The following UGCG variants were observed in gnomAD, a reference collection of about 807,000 sequenced individuals.
The protein encoded by UGCG is ceramide glucosyltransferase.
Under a neutral mutation model 49.5 loss-of-function variants are expected in UGCG, and 10 were observed. The observed-to-expected ratio is 0.20, with a 90% confidence interval of 0.12 to 0.34. UGCG has a LOEUF of 0.34. Ranked by LOEUF, UGCG falls within the 10% of genes least tolerant of loss-of-function variation. The pLI is 1.00. For synonymous variants in UGCG, 182 were observed against 158.2 expected (o/e 1.15, Z -1.13); for missense variants, 312 against 483.7 (o/e 0.65, Z 3.33).
At chr9:111,904,397 TA>T (rs1564197515) in intron 1 of UGCG, among the ~76,000 whole-genome samples, 1 of 152,194 alleles carries the variant, frequency 6.6e-6, no homozygotes, top group African/African-American at 2.4e-5. Flanking sequence ...ATCCATCACT[TA>T]AAAAAACCTC....
chr9:111,898,802 TGA>T (rs1225286277), intron 1 of UGCG, among the ~76,000 whole-genome samples: 2 of 151,788 alleles, frequency 1.3e-5, no homozygotes, highest in Non-Finnish European at 2.9e-5. Flanking sequence ...TGTGTGTGTG[TGA>T]GAGAGAGAGA....
chr9:111,915,940 T>C (rs1205642294), intron 2 of UGCG: 6 of 481,908 alleles, frequency 1.2e-5, no homozygotes, highest in Non-Finnish European at 1.6e-5. Flanking sequence ...GGAAGCTGTT[T>C]TGAAGCAAAA....
At position 111,914,532 on chromosome 9, in the gene UGCG, G is replaced by A. The variant is rs1589522409; in HGVS notation, c.99-73G>A. 2.8e-6 allele frequency: 4 copies of A among 1,423,992 alleles called. No individual in the cohort carries two copies. In the East Asian group the frequency reaches 9.2e-5, roughly 33 times the overall value. The allele number at this position is 1,423,992 out of a possible 1,614,324, so 88.2% of individuals were successfully genotyped here. A position where few individuals can be genotyped will look rare whatever the true frequency, so the allele number is the denominator to read the frequency against. On this transcript the variant is annotated intron_variant, in intron 1 of 8. Transcript: ENST00000374279. ...TTAACTTAGAATTTAGGGATTTATT[G>A]ATAGCTTGTCAGTGCTTTGATTTGA...
At chr9:111,921,802 A>AGTTTTTTTTTTTT (rs1554735821) in intron 2 of UGCG, among the ~76,000 whole-genome samples, 1 of 55,536 alleles carries the variant, frequency 1.8e-5, no homozygotes, top group Non-Finnish European at 3.2e-5. Flanking sequence ...CCCCAGGGTG[A>AGTTTTTTTTTTTT]TTTTTTTTTT....
intron 1 of UGCG, among the ~76,000 whole-genome samples, chr9:111,908,094 G>C (rs554340066): frequency 2.0e-5 from 3 of 152,010 alleles, no homozygotes; most frequent in East Asian, 3.9e-4. Flanking sequence ...TGAAGGCTTG[G>C]GGGGTGGGTG....
rs142308047 is a variant in UGCG at position 111,920,696 on chromosome 9, A to G, written c.241-2153A>G. Among the ~76,000 whole-genome samples the G allele has an allele frequency of 4.9e-3, 739 of 152,218 alleles. 5 individuals are homozygous for G. Among genetic ancestry groups the G allele is most frequent in the African/African-American group, 0.016 (660 of 41,526 alleles). ...TTTTTTATTGGCAGTTTTTGCTGAG[A>G]TTATAGGTAGTGGGCAAACAATTGT... On this transcript the variant is annotated intron_variant, in intron 2 of 8. Transcript: ENST00000374279.
chr9:111,907,017 C>T (rs1242150272), intron 1 of UGCG, among the ~76,000 whole-genome samples: 2 of 152,060 alleles, frequency 1.3e-5, no homozygotes, highest in African/African-American at 4.8e-5. Context: ...CTGTGAATCA[C>T]CTAGAGATCT....
chr9:111,913,005 A>G (rs976404337), intron 1 of UGCG, among the ~76,000 whole-genome samples: 4 of 152,162 alleles, frequency 2.6e-5, no homozygotes, highest in Non-Finnish European at 4.4e-5. Flanking sequence ...GCCCATGGCT[A>G]AGTGGTCTGG....
At chr9:111,897,392 T>A in intron 1 of UGCG, 79 bp downstream of exon 1, 1 of 1,193,802 alleles carries the variant, frequency 8.4e-7, no homozygotes, top group Non-Finnish European at 1.2e-6. Context: ...ACGTTTGCGC[T>A]TTGAAGGGGA....
At chr9:111,915,833 T>A in intron 2 of UGCG, 1 of 982,472 alleles carries the variant, frequency 1.0e-6, no homozygotes, top group Non-Finnish European at 1.2e-6. Context: ...GCAGCACTTA[T>A]TAAGTAGGTA....
chr9:111,901,293 T>A (rs1837767525), intron 1 of UGCG, among the ~76,000 whole-genome samples: 1 of 152,216 alleles, frequency 6.6e-6, no homozygotes, highest in Non-Finnish European at 1.5e-5. Flanking sequence ...GATCTTTGCC[T>A]TAAATTCATG....
chr9:111,903,419 G>C (rs1170019207), intron 1 of UGCG, among the ~76,000 whole-genome samples: 3 of 150,782 alleles, frequency 2.0e-5, no homozygotes, highest in Non-Finnish European at 4.4e-5. Flanking sequence ...ACAAAAATTA[G>C]CTGGGTGTGG....
intron 2 of UGCG, among the ~76,000 whole-genome samples, chr9:111,922,200 AT>A (rs1299404038): frequency 6.6e-6 from 1 of 152,152 alleles, no homozygotes; most frequent in Non-Finnish European, 1.5e-5. Context: ...ACTGGGCAAA[AT>A]AAAGTTGTAG....
At chr9:111,924,586 C>G (rs1403110177) in intron 3 of UGCG, among the ~76,000 whole-genome samples, 191 bp from the exon 4 acceptor site, 5 of 152,014 alleles carry the variant, frequency 3.3e-5, no homozygotes, top group Admixed American at 2.0e-4. Context: ...ATAAATGATA[C>G]AGTTTTCCTT....
Position 111,924,845 on chromosome 9 carries a change from G to A in UGCG, c.412G>A (p.Asp138Asn). The A allele has an allele frequency of 6.5e-7, 1 of 1,533,446 alleles. No individual in the cohort carries two copies. The highest frequency in any genetic ancestry group is 8.7e-7 in the Non-Finnish European group (1 of 1,147,564). The allele number at this position is 1,533,446 out of a possible 1,614,324, so 95.0% of individuals were successfully genotyped here. The part of the protein sequence containing the change: ...LMPGYEVAKY[D>N]LIWICDSGIR... Reference sequence around the variant, plus strand: ...GCCAGGATATGAAGTTGCAAAGTATGATCTTATATGGATTTGTGATAGTGG... The same window carrying A: ...GCCAGGATATGAAGTTGCAAAGTATAATCTTATATGGATTTGTGATAGTGG... The change falls in exon 4 of 9, where the codon GAT becomes AAT. Residue 138 changes from aspartate (D) to asparagine (N), a missense_variant. This residue lies in a region of UGCG where 64 missense variants were observed against 67.6 expected (regional missense o/e 0.95). Transcript: ENST00000374279.
At chr9:111,932,080 G>A in intron 7 of UGCG, 90 bp from the exon 8 acceptor site, 3 of 1,362,218 alleles carry the variant, frequency 2.2e-6, no homozygotes, top group Admixed American at 2.1e-5. Context: ...CTATCACAGG[G>A]TAAAAAAATT....
rs79076099 is a variant in UGCG, at chr9:111,915,449, T to C, written c.240+703T>C. On this transcript the variant is annotated intron_variant, in intron 2 of 8. Coordinates refer to ENST00000374279, the MANE Select transcript of UGCG (RefSeq NM_003358.3). ...TGTACTTAGCTTTACAGCAGCTTTG[T>C]ATTAAATTGCTTGAGACTGCTTTTG... is the stretch of plus-strand genomic sequence containing the variant. Among the ~76,000 whole-genome samples the C allele has an allele frequency of 1.4e-4, 22 of 152,344 alleles. No homozygotes were observed. The East Asian group carries it at 4.0e-3, about 28-fold the overall frequency.
intron 5 of UGCG, 106 bp downstream of exon 5, chr9:111,926,602 A>C (rs961238320): frequency 1.3e-6 from 1 of 785,692 alleles, no homozygotes; most frequent in Admixed American, 3.4e-5. Context: ...AACTGTATTA[A>C]GTCCATTTGG....
rs1017597314 is a variant in UGCG, at chr9:111,915,135, A to G, written c.240+389A>G. ...TGAAATGGGTTGCAGTACAGCCAGA[A>G]CTAAACGTGACTTCTCCGGAGAAAC... On this transcript the variant is annotated intron_variant, in intron 2 of 8. Coordinates refer to ENST00000374279, the MANE Select transcript of UGCG (RefSeq NM_003358.3). 2.4e-5 allele frequency: 4 copies of G among 163,502 alleles called. No individual in the cohort carries two copies. In the East Asian group the frequency reaches 5.1e-4, roughly 21 times the overall value. The allele number at this position is 163,502 out of a possible 1,614,324, so 10.1% of individuals were successfully genotyped here. A position where few individuals can be genotyped will look rare whatever the true frequency, so the allele number is the denominator to read the frequency against.
Sources: gnomAD v4.1 joint callset for allele counts (sites outside exome capture counted in the v4.1 genomes callset) on GRCh38, gnomAD v4.1.1 for gene constraint, gnomAD v4.1.1 regional missense constraint, MANE v1.5 for transcripts, NCBI Gene and HGNC (gene_info 2026-07-23, HGNC 2026-07-21) for gene names.